Variants in PBX3 observed in about 807,000 individuals in gnomAD.
The protein encoded by PBX3 is PBX homeobox 3.
PBX3 carries 14 observed loss-of-function variants against 48.5 expected under a neutral mutation model. The observed-to-expected ratio is 0.29, with a 90% CI of 0.19 to 0.45. PBX3 has a LOEUF of 0.45. PBX3 is among the 20% of genes least tolerant of loss of function. The pLI is 1.00. For synonymous variants in PBX3, 210 were observed against 200.3 expected (o/e 1.05, Z -0.41); for missense variants, 386 against 546.7 (o/e 0.71, Z 2.93).
intron 2 of PBX3, among the ~76,000 whole-genome samples, chr9:125,832,559 A>T (rs990893994): frequency 1.3e-5 from 2 of 152,172 alleles, no homozygotes; most frequent in African/African-American, 4.8e-5. Context: ...GTTTTTTGGG[A>T]GAGGGTCCTC....
intron 2 of PBX3, among the ~76,000 whole-genome samples, chr9:125,854,748 A>G (rs978256354): frequency 6.6e-6 from 1 of 152,174 alleles, no homozygotes; most frequent in Non-Finnish European, 1.5e-5. Flanking sequence ...CATTGCAATC[A>G]TTGTCATTTA....
chr9:125,795,074 A>G (rs765649634), intron 2 of PBX3, among the ~76,000 whole-genome samples: 54 of 152,334 alleles, frequency 3.5e-4, no homozygotes, highest in African/African-American at 1.1e-3. Context: ...GCCTTGTAAT[A>G]CTACTTCTGT....
chr9:125,754,231 G>A (rs2131955446), intron 2 of PBX3, among the ~76,000 whole-genome samples: 1 of 152,146 alleles, frequency 6.6e-6, no homozygotes, highest in East Asian at 1.9e-4. Flanking sequence ...TTTCTCAGCA[G>A]TCTTGTGTTT....
chr9:125,865,209 TC>T (rs1458438815), intron 2 of PBX3: 4 of 168,920 alleles, frequency 2.4e-5, no homozygotes, highest in African/African-American at 9.6e-5. Flanking sequence ...AAAATGATTT[TC>T]TATATGGCCA....
At chr9:125,922,153 A>G (rs1407689776) in intron 3 of PBX3, among the ~76,000 whole-genome samples, 4 of 152,206 alleles carry the variant, frequency 2.6e-5, no homozygotes, top group Admixed American at 2.6e-4. Flanking sequence ...TATTGAGGAG[A>G]CAGTTTTGCC....
In PBX3 at chr9:125,747,479, A is replaced by C. The variant is rs1456162755; in HGVS notation, c.26A>C (p.Gln9Pro). 1.3e-5 allele frequency: 20 copies of C among 1,577,552 alleles called. No homozygotes were observed. Among genetic ancestry groups the C allele is most frequent in the Non-Finnish European group, 8.6e-7 (1 of 1,163,920 alleles). The part of the protein sequence containing the change: MDDQSRML[Q>P]TLAGVNLAGH... Reference sequence around the variant, plus strand: ...ATGGACGATCAATCCAGGATGCTGCAGACTCTGGCCGGGGTGAACCTGGCT... The same window carrying C: ...ATGGACGATCAATCCAGGATGCTGCCGACTCTGGCCGGGGTGAACCTGGCT... Residue 9 changes from glutamine to proline, a missense_variant, in exon 1 of 9, where the codon CAG (glutamine) becomes CCG (proline). Gln to Pro is a moderately conservative substitution (Grantham distance 76). This residue lies in a region of PBX3 where 116 missense variants were observed against 98.2 expected (regional missense o/e 1.18). Coordinates refer to ENST00000373489, the MANE Select transcript of PBX3 (RefSeq NM_006195.6).
intron 2 of PBX3, among the ~76,000 whole-genome samples, chr9:125,848,474 T>A (rs572794432): frequency 1.3e-5 from 2 of 152,146 alleles, no homozygotes; most frequent in African/African-American, 4.8e-5. Context: ...TCCCTCAATA[T>A]CTAGTACTGT....
chr9:125,966,244 T>G lies in PBX3; in HGVS notation c.*321T>G, dbSNP rs1273784267. On this transcript the variant is annotated 3_prime_UTR_variant, in exon 9 of 9. Transcript: ENST00000373489. The stretch of plus-strand genomic sequence containing the variant: ...TTTCACAGTTGCCAATTACTTGGCC[T>G]TAAGGGTAAAAAGTACAATATACAC... 1 of 199,258 alleles carries G rather than the reference T, an allele frequency of 5.0e-6. No homozygotes were observed. The highest frequency in any genetic ancestry group is 1.0e-5 in the Non-Finnish European group (1 of 97,088). The allele number at this position is 199,258 out of a possible 1,614,324, so 12.3% of individuals were successfully genotyped here. A position where few individuals can be genotyped will look rare whatever the true frequency, so the allele number is the denominator to read the frequency against.
chr9:125,777,200 G>T (rs1001164874), intron 2 of PBX3, among the ~76,000 whole-genome samples: 2 of 151,832 alleles, frequency 1.3e-5, no homozygotes, highest in African/African-American at 2.4e-5. Flanking sequence ...TTTTAGTAGA[G>T]ATGGGATTTT....
rs893462002 is a variant in PBX3, at chr9:125,967,160, C to T, written c.*1237C>T. On this transcript the variant is annotated 3_prime_UTR_variant, in exon 9 of 9. Transcript: ENST00000373489. ...CAGTATTCAGTACTGTATATTTCAC[C>T]CTGTGTAATGGGGCCCCCTCTCCTT... 6.6e-6 allele frequency: 1 copy of T among 151,762 alleles called. No homozygotes were observed. Among genetic ancestry groups the T allele is most frequent in the Non-Finnish European group, 1.5e-5 (1 of 67,968 alleles). The allele number at this position is 151,762 out of a possible 1,614,324, so 9.4% of individuals were successfully genotyped here. A position where few individuals can be genotyped will look rare whatever the true frequency, so the allele number is the denominator to read the frequency against.
intron 2 of PBX3, among the ~76,000 whole-genome samples, chr9:125,827,541 G>A (rs1838842878): frequency 6.6e-6 from 1 of 152,152 alleles, no homozygotes; most frequent in East Asian, 1.9e-4. Flanking sequence ...AATATAATGT[G>A]TATATATACA....
intron 2 of PBX3, among the ~76,000 whole-genome samples, chr9:125,827,820 A>G (rs1326992343): frequency 6.6e-6 from 1 of 152,160 alleles, no homozygotes; most frequent in Admixed American, 6.5e-5. Flanking sequence ...CCTCTGAGGT[A>G]TATAACTAGG....
chr9:125,799,906 G>GAT (rs1320116516), intron 2 of PBX3, among the ~76,000 whole-genome samples: 12 of 151,848 alleles, frequency 7.9e-5, no homozygotes, highest in East Asian at 3.9e-4. Context: ...TATTTTCCAG[G>GAT]ATATATATAT....
chr9:125,770,968 C>T (rs1836925773), intron 2 of PBX3, among the ~76,000 whole-genome samples: 1 of 152,124 alleles, frequency 6.6e-6, no homozygotes, highest in African/African-American at 2.4e-5. Flanking sequence ...ATAATACCAG[C>T]CTCACATTTG....
intron 2 of PBX3, among the ~76,000 whole-genome samples, chr9:125,817,942 C>T (rs1421812704): frequency 6.6e-6 from 1 of 152,168 alleles, no homozygotes; most frequent in Non-Finnish European, 1.5e-5. Flanking sequence ...GTGGCTCACG[C>T]CTGTAATCCC....
At chr9:125,755,672 G>GTTTTTT (rs11310993) in intron 2 of PBX3, among the ~76,000 whole-genome samples, 16 of 95,194 alleles carry the variant, frequency 1.7e-4, no homozygotes, top group Non-Finnish European at 2.1e-4. Flanking sequence ...GAGGAGCTTT[G>GTTTTTT]TTTTTTTTTT....
intron 2 of PBX3, among the ~76,000 whole-genome samples, chr9:125,857,712 A>G (rs1184329822): frequency 6.6e-6 from 1 of 152,232 alleles, no homozygotes. Flanking sequence ...AATGTTTATT[A>G]TATAGCTATA....
intron 5 of PBX3, among the ~76,000 whole-genome samples, chr9:125,954,425 G>A (rs754844818): frequency 2.0e-5 from 3 of 152,146 alleles, no homozygotes; most frequent in Non-Finnish European, 4.4e-5. Context: ...CTTTTGTAGA[G>A]CATAAAAGTA....
chr9:125,871,009 A>G (rs1383952229), intron 2 of PBX3, among the ~76,000 whole-genome samples: 1 of 152,214 alleles, frequency 6.6e-6, no homozygotes, highest in African/African-American at 2.4e-5. Context: ...CAATCTAGCA[A>G]TTCCACTTCT....
Sources: gnomAD v4.1 joint callset for allele counts (sites outside exome capture counted in the v4.1 genomes callset) on GRCh38, gnomAD v4.1.1 for gene constraint, gnomAD v4.1.1 regional missense constraint, MANE v1.5 for transcripts, NCBI Gene and HGNC (gene_info 2026-07-23, HGNC 2026-07-21) for gene names.